The following RFPL2 variants were observed in gnomAD, a reference collection of about 807,000 sequenced individuals.
RFPL2 encodes the protein ret finger protein like 2, also known as ret finger protein-like 2.
In RFPL2, 13 loss-of-function variants were observed where a neutral mutation model predicts 17.8. The observed-to-expected ratio is 0.73, with a 90% CI of 0.47 to 1.16. The LOEUF is 1.16. RFPL2 is among the 50% of genes most tolerant of loss of function. The pLI, the probability that RFPL2 is intolerant of heterozygous loss-of-function variation, is 0.00. For missense variants in RFPL2, 431 were observed against 479.3 expected (o/e 0.90, Z 0.94); for synonymous variants, 189 against 180.9 (o/e 1.04, Z -0.36).
In RFPL2 at chr22:32,204,711, G is replaced by A. The variant is rs532114921; in HGVS notation, c.-104C>T. Among the ~76,000 whole-genome samples the A allele has an allele frequency of 1.2e-4, 19 of 152,320 alleles. No homozygotes were observed. The East Asian group carries it at 3.5e-3, about 28-fold the overall frequency. On this transcript the variant is annotated 5_prime_UTR_variant, in exon 1 of 5. Coordinates refer to ENST00000652607, the MANE Select transcript of RFPL2 (RefSeq NM_001394555.1). ...ACAGGTGACTCCTCCTCTAACCTGG[G>A]CATGGAGCAGATGGGCTGGCAGACG...
chr22:32,191,315 G>A lies in RFPL2; in HGVS notation c.594C>T (p.Phe198=), dbSNP rs76923625. 9.7e-3 allele frequency: 15,636 copies of A among 1,613,728 alleles called. 123 individuals carry two copies. Among genetic ancestry groups the A allele is most frequent in the Middle Eastern group, 0.015 (88 of 6,056 alleles). ...MTLDANTANN[F]LLISDDLRSV... is the part of the protein sequence containing the mutation. Reference sequence around the variant, plus strand: ...TCCTGAGGTCGTCAGAAATGAGGAGGAAGTTGTTGGCTGTGTTGGCATCCA... The same window carrying A: ...TCCTGAGGTCGTCAGAAATGAGGAGAAAGTTGTTGGCTGTGTTGGCATCCA... The change falls in exon 5 of 5, where the codon TTC becomes TTT. Residue 198 remains phenylalanine (F), a synonymous_variant. Coordinates refer to ENST00000652607, the MANE Select transcript of RFPL2 (RefSeq NM_001394555.1).
chr22:32,192,757 G>T, intron 4 of RFPL2, 145 bp downstream of exon 4: 5 of 1,204,652 alleles, frequency 4.2e-6, no homozygotes, highest in Non-Finnish European at 5.9e-6. Context: ...TCTGTATGTT[G>T]TCAGGGCTGA....
At chr22:32,193,948 A>G (rs1384382268) in intron 3 of RFPL2, among the ~76,000 whole-genome samples, 1 of 151,770 alleles carries the variant, frequency 6.6e-6, no homozygotes, top group East Asian at 1.9e-4. Flanking sequence ...CGAGGCAGGA[A>G]GATCCCTTGA....
rs553810859 is a variant in RFPL2 at position 32,203,274 on chromosome 22, C to T, written c.-99-724G>A. The T allele has an allele frequency of 1.1e-3, 193 of 176,496 alleles. 5 individuals are homozygous for T. The highest frequency in any genetic ancestry group is 0.011 in the Admixed American group (161 of 15,318). The allele number at this position is 176,496 out of a possible 1,614,324, so 10.9% of individuals were successfully genotyped here. A position where few individuals can be genotyped will look rare whatever the true frequency, so the allele number is the denominator to read the frequency against. On this transcript the variant is annotated intron_variant, in intron 1 of 4. Transcript: ENST00000652607. ...GCCACGGATACCACCCTCAACCAGC[C>T]CCTCGCCACAGGAAATGACTCCCGG...
At chr22:32,193,292 T>C (rs3986031) in intron 3 of RFPL2, 100 bp from the exon 4 acceptor site, 3 of 1,599,876 alleles carry the variant, frequency 1.9e-6, no homozygotes, top group Non-Finnish European at 2.6e-6. Context: ...GGTATTGTGT[T>C]CCAGCTTTGT....
At position 32,204,758 on chromosome 22, in the gene RFPL2, G is replaced by T. The variant is rs1924355065; in HGVS notation, c.-151C>A. 6.6e-6 allele frequency among the ~76,000 whole-genome samples: 1 copy of T among 152,204 alleles called. No homozygotes were observed. Among genetic ancestry groups the T allele is most frequent in the Non-Finnish European group, 1.5e-5 (1 of 68,040 alleles). ...GACGCAGAAGTGCCTGGAATGGCAA[G>T]AACCCCTCCCCCCACAGACCGAGGT... On this transcript the variant is annotated 5_prime_UTR_variant, in exon 1 of 5. Transcript: ENST00000652607.
chr22:32,203,863 C>G (rs1924242791), intron 1 of RFPL2, among the ~76,000 whole-genome samples: 1 of 151,444 alleles, frequency 6.6e-6, no homozygotes, highest in African/African-American at 2.4e-5. Flanking sequence ...ACGCACCCAA[C>G]CCTCCCCCGC....
At chr22:32,195,592 A>T (rs1015380748) in intron 2 of RFPL2, among the ~76,000 whole-genome samples, 1 of 151,270 alleles carries the variant, frequency 6.6e-6, no homozygotes, top group Non-Finnish European at 1.5e-5. Flanking sequence ...AGTAGCTGGG[A>T]TTACAGGCAT....
Position 32,190,784 on chromosome 22 carries a change from C to T in RFPL2, c.1125G>A (p.Gly375=), listed in dbSNP as rs746323283. Residue 375 remains glycine (G), a synonymous_variant, in exon 5 of 5, where the codon GGG becomes GGA. Coordinates refer to ENST00000652607, the MANE Select transcript of RFPL2 (RefSeq NM_001394555.1). Reference sequence around the variant, plus strand: ...TTGGAGTGAGGGCTTATTTGGCCTCCCCAGGACGGACTGGAGCATCAGTAG... The same window carrying T: ...TTGGAGTGAGGGCTTATTTGGCCTCTCCAGGACGGACTGGAGCATCAGTAG... The part of the protein sequence containing the change: ...SGTTDAPVRP[G]EAK The T allele has an allele frequency of 3.9e-6, 6 of 1,526,436 alleles. No homozygotes were observed. The East Asian group carries it at 9.1e-5, about 23-fold the overall frequency. 94.6% of individuals were successfully genotyped at this position (1,526,436 alleles called of 1,614,324 possible). A position where few individuals can be genotyped will look rare whatever the true frequency, so the allele number is the denominator to read the frequency against.
At chr22:32,197,185 C>T (rs1041572645) in intron 2 of RFPL2, among the ~76,000 whole-genome samples, 2 of 152,182 alleles carry the variant, frequency 1.3e-5, no homozygotes, top group African/African-American at 4.8e-5. Context: ...AAAATGGGCA[C>T]AGTGGCTCTG....
intron 1 of RFPL2, among the ~76,000 whole-genome samples, chr22:32,203,742 C>T (rs1924222247): frequency 6.6e-6 from 1 of 151,438 alleles, no homozygotes; most frequent in Admixed American, 6.6e-5. Flanking sequence ...CACTGATGTC[C>T]CAGGTAGCGC....
intron 3 of RFPL2, among the ~76,000 whole-genome samples, chr22:32,194,044 C>T (rs951603037): frequency 2.0e-5 from 3 of 151,156 alleles, no homozygotes; most frequent in South Asian, 2.1e-4. Context: ...GCAGAGATCA[C>T]GCCAAGTCAC....
chr22:32,196,621 A>G (rs1923364126), intron 2 of RFPL2, among the ~76,000 whole-genome samples: 1 of 152,270 alleles, frequency 6.6e-6, no homozygotes, highest in African/African-American at 2.4e-5. Flanking sequence ...TCTGTGTGAG[A>G]AAAACTTTCT....
chr22:32,201,100 C>T (rs1243427417), intron 2 of RFPL2, among the ~76,000 whole-genome samples: 3 of 144,694 alleles, frequency 2.1e-5, no homozygotes, highest in African/African-American at 7.9e-5. Flanking sequence ...TGCAGTGGTG[C>T]AATCTCAGCT....
rs773118648 is a variant in RFPL2 at position 32,191,015 on chromosome 22, G to A, written c.894C>T (p.Phe298=). The A allele has an allele frequency of 5.6e-6, 9 of 1,613,674 alleles. No homozygotes were observed. Among genetic ancestry groups the A allele is most frequent in the South Asian group, 2.2e-5 (2 of 91,060 alleles). Residue 298 remains phenylalanine (F), a synonymous_variant, in exon 5 of 5, where the codon TTC becomes TTT. Coordinates refer to ENST00000652607, the MANE Select transcript of RFPL2 (RefSeq NM_001394555.1). The part of the protein sequence containing the change: ...SATTVPLTFL[F]VDRKLQRVGI... ...CCACTCGCTGTAACTTGCGGTCTAC[G>A]AAGAGGAAAGTCAGCGGCACCGTGG...
At chr22:32,200,455 C>T (rs1923799404) in intron 2 of RFPL2, among the ~76,000 whole-genome samples, 1 of 152,128 alleles carries the variant, frequency 6.6e-6, no homozygotes, top group South Asian at 2.1e-4. Context: ...GGGGGGATTC[C>T]TGGCACCCAG....
chr22:32,195,496 G>T (rs1382916182), intron 2 of RFPL2, among the ~76,000 whole-genome samples: 3 of 151,680 alleles, frequency 2.0e-5, no homozygotes, highest in African/African-American at 7.2e-5. Flanking sequence ...TGCTCTGTCA[G>T]CCAGGCTGGA....
chr22:32,191,489 G>A, intron 4 of RFPL2, 137 bp from the exon 5 acceptor site: 1 of 1,109,730 alleles, frequency 9.0e-7, no homozygotes, highest in Non-Finnish European at 1.3e-6. Flanking sequence ...AACTTCATGA[G>A]GTAACTTCCC....
At position 32,202,351 on chromosome 22, in the gene RFPL2, A is replaced by G; in HGVS notation, c.101T>C (p.Met34Thr). 6.2e-7 allele frequency: 1 copy of G among 1,602,404 alleles called. No homozygotes were observed. Among genetic ancestry groups the G allele is most frequent in the East Asian group, 2.2e-5 (1 of 44,592 alleles). The change falls in exon 2 of 5, where the codon ATG becomes ACG. Residue 34 changes from methionine to threonine, a missense_variant. Physicochemically the swap from Met to Thr is moderately conservative, Grantham distance 81. Coordinates refer to ENST00000652607, the MANE Select transcript of RFPL2 (RefSeq NM_001394555.1). ...CTCTCACCTCAGGCTCCTTATCACC[A>G]TCATGTCTGCAAAGTCCCAGTGGCC... ...LCGHWDFADM[M>T]VIRSLSLIRL...
Sources: gnomAD v4.1 joint callset for allele counts (sites outside exome capture counted in the v4.1 genomes callset) on GRCh38, gnomAD v4.1.1 for gene constraint, MANE v1.5 for transcripts, NCBI Gene and HGNC (gene_info 2026-07-23, HGNC 2026-07-21) for gene names.